Variants in CMTM4 observed in about 807,000 individuals in gnomAD.
CMTM4 encodes the protein CKLF-like MARVEL transmembrane domain-containing protein 4.
A neutral mutation model predicts 19.0 loss-of-function variants in CMTM4; 8 were observed. That is an observed-to-expected ratio of 0.42 (90% CI 0.25 to 0.76). The LOEUF (loss-of-function observed/expected upper bound fraction) is 0.76, where lower values mean the gene tolerates loss of function less well. CMTM4 is among the 30% of genes least tolerant of loss of function. The probability of loss-of-function intolerance (pLI) is 0.27; values close to 1 mark genes in which losing one functional copy is unlikely to be tolerated. For missense variants in CMTM4, 228 were observed against 290.2 expected (o/e 0.79, Z 1.56); for synonymous variants, 106 against 121.1 (o/e 0.88, Z 0.82).
intron 1 of CMTM4, among the ~76,000 whole-genome samples, chr16:66,677,698 G>T (rs2016833617): frequency 6.6e-6 from 1 of 151,994 alleles, no homozygotes; most frequent in Admixed American, 6.6e-5. Flanking sequence ...AAGTGTAGGT[G>T]GTCAAGATTT....
intron 1 of CMTM4, among the ~76,000 whole-genome samples, chr16:66,691,633 C>T (rs758407508): frequency 6.6e-6 from 1 of 152,098 alleles, no homozygotes; most frequent in Admixed American, 6.6e-5. Context: ...CCCAGGAGGT[C>T]GAGGCTGCAG....
intron 1 of CMTM4, among the ~76,000 whole-genome samples, chr16:66,680,303 AC>A (rs747884620): frequency 3.3e-5 from 5 of 151,768 alleles, no homozygotes; most frequent in Non-Finnish European, 7.4e-5. Flanking sequence ...ACATGGTAAA[AC>A]CCTGTCTCTA....
At chr16:66,600,607 C>T in the CMTM4 span, among the ~76,000 whole-genome samples, 1 of 151,958 alleles carries the variant, frequency 6.6e-6, no homozygotes, top group Non-Finnish European at 1.5e-5. Context: ...CATCTTCCCC[C>T]ACCCTTCCCC....
intron 1 of CMTM4, among the ~76,000 whole-genome samples, chr16:66,693,228 GA>G (rs1183552278): frequency 9.4e-5 from 14 of 148,340 alleles, no homozygotes; most frequent in African/African-American, 2.2e-4. Context: ...CTAACACAAA[GA>G]AAAAAAAAAC....
At chr16:66,631,123 G>A (rs1159571440) in intron 2 of CMTM4, among the ~76,000 whole-genome samples, 6 of 151,996 alleles carry the variant, frequency 3.9e-5, no homozygotes, top group African/African-American at 1.4e-4. Context: ...TCTGGGAAGT[G>A]AGGAGCGTCT....
chr16:66,638,259 AC>A (rs559818388), intron 1 of CMTM4, among the ~76,000 whole-genome samples: 2 of 152,288 alleles, frequency 1.3e-5, no homozygotes, highest in South Asian at 4.1e-4. Context: ...AAGCACAGTA[AC>A]TTTCACATAG....
chr16:66,604,326 C>G, the CMTM4 span: 1 of 152,658 alleles, frequency 6.6e-6, no homozygotes, highest in South Asian at 2.1e-4. Flanking sequence ...ACTCCGGCCC[C>G]CAAGAAAAAG....
At chr16:66,610,826 T>G (rs181803688), downstream of CMTM4, 1 of 398,578 alleles carries the variant, frequency 2.5e-6, no homozygotes, top group East Asian at 3.6e-5. The surrounding 1 kb of genome is among the most constrained non-coding windows in gnomAD (Gnocchi z 4.6). Context: ...AGGTTAGGCT[T>G]AAGAGCCACT....
intron 1 of CMTM4, among the ~76,000 whole-genome samples, chr16:66,660,761 T>C (rs996384048): frequency 1.3e-5 from 2 of 152,212 alleles, no homozygotes; most frequent in Admixed American, 6.5e-5. Flanking sequence ...TGGGAAGCCT[T>C]TCCTCATCCC....
rs1453883686 is a variant in CMTM4 at position 66,621,764 on chromosome 16, G to A, written c.*294C>T. On this transcript the variant is annotated 3_prime_UTR_variant, in exon 4 of 4. Coordinates refer to ENST00000394106, the MANE Select transcript of CMTM4 (RefSeq NM_181521.3). ...CCAAAGTCTTGTTACAAATACACAC[G>A]ACAAGGTGGCTCAGAGTCAAAGGAA... 5.7e-6 allele frequency: 7 copies of A among 1,229,644 alleles called. No homozygotes were observed. The highest frequency in any genetic ancestry group is 7.4e-5 in the East Asian group (2 of 26,908). The allele number at this position is 1,229,644 out of a possible 1,614,324, so 76.2% of individuals were successfully genotyped here. A position where few individuals can be genotyped will look rare whatever the true frequency, so the allele number is the denominator to read the frequency against.
At chr16:66,664,954 C>A (rs938290388) in intron 1 of CMTM4, among the ~76,000 whole-genome samples, 1 of 150,118 alleles carries the variant, frequency 6.7e-6, no homozygotes, top group Non-Finnish European at 1.5e-5. Context: ...CAGAGCAAAA[C>A]CCTGTTTCTC....
At chr16:66,610,621 G>A (rs1303803158), downstream of CMTM4, among the ~76,000 whole-genome samples, 3 of 152,138 alleles carry the variant, frequency 2.0e-5, no homozygotes, top group Admixed American at 2.0e-4. This position sits in a 1 kb window ranked among gnomAD's most constrained non-coding sequence, Gnocchi z 4.6. Context: ...GCAGGCAGAA[G>A]AGACCAGGCC....
In CMTM4 at chr16:66,696,203, C is replaced by A; in HGVS notation, c.186+137G>T. The A allele has an allele frequency of 1.8e-6, 1 of 553,042 alleles. No individual in the cohort carries two copies. 34.3% of individuals were successfully genotyped at this position (553,042 alleles called of 1,614,324 possible). A position where few individuals can be genotyped will look rare whatever the true frequency, so the allele number is the denominator to read the frequency against. On this transcript the variant is annotated intron_variant, in intron 1 of 3. Transcript: ENST00000394106. This position sits in a 1 kb window ranked among gnomAD's most constrained non-coding sequence, Gnocchi z 4.3. ...AAGGCTGCAGAGTGGTCCCGGGACC[C>A]CACGAGGGAGAGGGGGCGCGAGGAG... is the stretch of plus-strand genomic sequence containing the variant.
rs2144777699 is a variant in CMTM4, at chr16:66,620,527, CTGGGGAA to C, written c.*1524_*1530del. 1 of 985,492 alleles carries C rather than the reference CTGGGGAA, an allele frequency of 1.0e-6. No individual in the cohort carries two copies. The highest frequency in any genetic ancestry group is 6.1e-5 in the Admixed American group (1 of 16,290). The allele number at this position is 985,492 out of a possible 1,614,324, so 61.0% of individuals were successfully genotyped here. A position where few individuals can be genotyped will look rare whatever the true frequency, so the allele number is the denominator to read the frequency against. ...CTGTGAGCTCAGATGCTGTCCTTTT[CTGGGGAA>C]TGAGACGCCACATGTCCATAAGGTG... On this transcript the variant is annotated 3_prime_UTR_variant, in exon 4 of 4. Coordinates refer to ENST00000394106, the MANE Select transcript of CMTM4 (RefSeq NM_181521.3).
At chr16:66,624,692 G>A (rs1414237603) in intron 2 of CMTM4, among the ~76,000 whole-genome samples, 9 of 152,224 alleles carry the variant, frequency 5.9e-5, no homozygotes, top group Admixed American at 3.3e-4. Flanking sequence ...ACTTGAACCC[G>A]GGAGGCAGAG....
chr16:66,658,794 C>A (rs770753815), intron 1 of CMTM4, among the ~76,000 whole-genome samples: 2 of 152,056 alleles, frequency 1.3e-5, no homozygotes, highest in Non-Finnish European at 2.9e-5. Flanking sequence ...CCCTGGGGGG[C>A]AAAATCTCCT....
At chr16:66,664,225 C>T (rs953784412) in intron 1 of CMTM4, among the ~76,000 whole-genome samples, 1 of 147,918 alleles carries the variant, frequency 6.8e-6, no homozygotes, top group Non-Finnish European at 1.5e-5. Context: ...CAGAGTGAGA[C>T]TCCGTCTCAA....
chr16:66,682,809 A>T (rs2016939670), intron 1 of CMTM4, among the ~76,000 whole-genome samples: 1 of 152,102 alleles, frequency 6.6e-6, no homozygotes, highest in Non-Finnish European at 1.5e-5. Context: ...GTGTCTCTTG[A>T]AAGATACTTG....
chr16:66,612,918 C>CA (rs2015436842), downstream of CMTM4: 1 of 623,866 alleles, frequency 1.6e-6, no homozygotes, highest in Non-Finnish European at 2.9e-6. This position sits in a 1 kb window ranked among gnomAD's most constrained non-coding sequence, Gnocchi z 6.0. Context: ...ACGTCTCTGC[C>CA]AAAAACCAGC....
Sources: gnomAD v4.1 joint callset for allele counts (sites outside exome capture counted in the v4.1 genomes callset) on GRCh38, gnomAD v4.1.1 for gene constraint, Gnocchi (gnomAD v3.1) non-coding constraint, MANE v1.5 for transcripts, NCBI Gene and HGNC (gene_info 2026-07-23, HGNC 2026-07-21) for gene names.